Variants in TMEM132D observed in about 807,000 individuals in gnomAD.
TMEM132D encodes transmembrane protein 132D.
TMEM132D carries 21 observed loss-of-function variants against 62.3 expected under a neutral mutation model. The ratio of observed to expected loss-of-function variants is 0.34; its 90% CI spans 0.24 to 0.49. TMEM132D has a LOEUF of 0.49. Ranked by LOEUF, TMEM132D falls within the 20% of genes least tolerant of loss-of-function variation. TMEM132D has a pLI of 0.99. For missense variants in TMEM132D, 1,346 were observed against 1,402.8 expected (o/e 0.96, Z 0.65); for synonymous variants, 621 against 575.6 (o/e 1.08, Z -1.13).
At chr12:129,224,185 T>A (rs529852176) in intron 4 of TMEM132D, among the ~76,000 whole-genome samples, 1 of 152,364 alleles carries the variant, frequency 6.6e-6, no homozygotes, top group African/African-American at 2.4e-5. Context: ...CTGGAGTTAC[T>A]CATTGCCTTC....
intron 5 of TMEM132D, among the ~76,000 whole-genome samples, chr12:129,200,390 A>G (rs1872709): frequency 0.72 from 109,270 of 152,078 alleles, 39,702 homozygotes; most frequent in Middle Eastern, 0.76. Flanking sequence ...TCATGCTCAT[A>G]CATGGGGGAT....
intron 2 of TMEM132D, among the ~76,000 whole-genome samples, chr12:129,590,145 C>A (rs1213149838): frequency 6.6e-6 from 1 of 152,140 alleles, no homozygotes; most frequent in Non-Finnish European, 1.5e-5. Context: ...CCTCTCCAAA[C>A]CCTGTCCAAT....
intron 2 of TMEM132D, among the ~76,000 whole-genome samples, chr12:129,545,235 T>G (rs927652000): frequency 1.3e-5 from 2 of 152,140 alleles, no homozygotes; most frequent in Admixed American, 6.5e-5. Flanking sequence ...GAGCATGATG[T>G]CAGCCCATGG....
chr12:129,828,776 A>G (rs1047403832), intron 1 of TMEM132D, among the ~76,000 whole-genome samples: 85 of 7,930 alleles, frequency 0.011, 1 homozygote, highest in East Asian at 0.023. Context: ...GGGAGGGAGG[A>G]AGAAAAGGAG....
chr12:129,085,325 T>C, intron 5 of TMEM132D: 1 of 152,706 alleles, frequency 6.5e-6, no homozygotes, highest in Middle Eastern at 3.4e-3. Context: ...GGGTGGATTC[T>C]GAGGCCCGTC....
chr12:129,805,445 G>A (rs1371969260), intron 1 of TMEM132D, among the ~76,000 whole-genome samples: 1 of 152,128 alleles, frequency 6.6e-6, no homozygotes, highest in Non-Finnish European at 1.5e-5. Flanking sequence ...ATGGGGAAAG[G>A]ATTCCCTATT....
intron 5 of TMEM132D, among the ~76,000 whole-genome samples, chr12:129,169,807 T>G (rs1404699921): frequency 6.6e-6 from 1 of 152,220 alleles, no homozygotes; most frequent in East Asian, 1.9e-4. Flanking sequence ...TATTTTTATT[T>G]TTTCAAAATG....
chr12:129,611,568 T>C (rs1878775787), intron 2 of TMEM132D, among the ~76,000 whole-genome samples: 1 of 152,178 alleles, frequency 6.6e-6, no homozygotes, highest in Non-Finnish European at 1.5e-5. Context: ...AGAAGTCCAA[T>C]GGACGTTGAC....
At chr12:129,785,941 GTTT>G (rs772062961) in intron 1 of TMEM132D, among the ~76,000 whole-genome samples, 3 of 152,160 alleles carry the variant, frequency 2.0e-5, no homozygotes, top group Admixed American at 6.5e-5. Context: ...GATTGGCGCA[GTTT>G]TTTGTTTTCT....
rs555903112 is a variant in TMEM132D at position 129,486,269 on chromosome 12, CT to C, written c.1115+44789del. ...TATCAGCTACAGGTTCCTTCTTTGT[CT>C]TTTTCTTTCCTTTACTGGTATTTTT... On this transcript the variant is annotated intron_variant, in intron 3 of 8. Transcript: ENST00000422113. Among the ~76,000 whole-genome samples, 19 of 152,354 alleles carry C rather than the reference CT, an allele frequency of 1.2e-4. No homozygotes were observed. In the South Asian group the frequency reaches 3.9e-3, roughly 32 times the overall value.
intron 5 of TMEM132D, among the ~76,000 whole-genome samples, chr12:129,207,461 G>T (rs1007891271): frequency 6.6e-6 from 1 of 152,236 alleles, no homozygotes; most frequent in African/African-American, 2.4e-5. Flanking sequence ...GATGGGGAAG[G>T]CAGTGCTGTG....
At chr12:129,433,400 G>A (rs927611048) in intron 3 of TMEM132D, among the ~76,000 whole-genome samples, 2 of 151,958 alleles carry the variant, frequency 1.3e-5, no homozygotes, top group African/African-American at 4.8e-5. Context: ...CAGTAATTCC[G>A]CACTCTCAAT....
At chr12:129,601,695 G>C (rs539112422) in intron 2 of TMEM132D, among the ~76,000 whole-genome samples, 1 of 150,454 alleles carries the variant, frequency 6.6e-6, no homozygotes, top group African/African-American at 2.4e-5. Context: ...AAGAATAGCT[G>C]TCTGTGGGGC....
chr12:129,728,013 G>A (rs1469045063), intron 1 of TMEM132D, among the ~76,000 whole-genome samples: 1 of 152,082 alleles, frequency 6.6e-6, no homozygotes, highest in Non-Finnish European at 1.5e-5. Flanking sequence ...TCTCTACCAG[G>A]TCCATTATGC....
intron 4 of TMEM132D, among the ~76,000 whole-genome samples, chr12:129,244,341 G>C (rs960817981): frequency 1.4e-5 from 2 of 145,310 alleles, no homozygotes; most frequent in African/African-American, 2.6e-5. Context: ...AGCCGAGATC[G>C]CGCCACTGCA....
At chr12:129,769,163 C>T (rs1318002832) in intron 1 of TMEM132D, among the ~76,000 whole-genome samples, 1 of 152,156 alleles carries the variant, frequency 6.6e-6, no homozygotes, top group Admixed American at 6.5e-5. Flanking sequence ...TTGGTGCCCC[C>T]TCCCCTAGGT....
chr12:129,355,721 C>T (rs1331036781), intron 3 of TMEM132D, among the ~76,000 whole-genome samples: 2 of 152,178 alleles, frequency 1.3e-5, no homozygotes, highest in African/African-American at 2.4e-5. Flanking sequence ...TCCCGTGTTC[C>T]TTCACACTGG....
rs1160995152 is a variant in TMEM132D at position 129,827,135 on chromosome 12, A to G, written c.79+76126T>C. Among the ~76,000 whole-genome samples, 1 of 152,220 alleles carries G rather than the reference A, an allele frequency of 6.6e-6. No homozygotes were observed. Among genetic ancestry groups the G allele is most frequent in the African/African-American group, 2.4e-5 (1 of 41,458 alleles). On this transcript the variant is annotated intron_variant, in intron 1 of 8. Coordinates refer to ENST00000422113, the MANE Select transcript of TMEM132D (RefSeq NM_133448.3). The surrounding 1 kb of genome is among the most constrained non-coding windows in gnomAD (Gnocchi z 9.7). ...CATCTCATAACAATCACTCTTAATAATAGCAATTAATAATTAAGCGCGTCT... is the reference window on the plus strand; with the variant it reads ...CATCTCATAACAATCACTCTTAATAGTAGCAATTAATAATTAAGCGCGTCT...
At chr12:129,384,984 C>T (rs139294790) in intron 3 of TMEM132D, among the ~76,000 whole-genome samples, 28 of 151,670 alleles carry the variant, frequency 1.8e-4, no homozygotes, top group African/African-American at 5.8e-4. Context: ...CAGTCTGAAA[C>T]AGTCCCATTC....
Sources: gnomAD v4.1 joint callset for allele counts (sites outside exome capture counted in the v4.1 genomes callset) on GRCh38, gnomAD v4.1.1 for gene constraint, Gnocchi (gnomAD v3.1) non-coding constraint, MANE v1.5 for transcripts, NCBI Gene and HGNC (gene_info 2026-07-23, HGNC 2026-07-21) for gene names.